The following CACNG3 variants were observed in gnomAD, a reference collection of about 807,000 sequenced individuals.
CACNG3 encodes the protein voltage-dependent calcium channel gamma-3 subunit.
In CACNG3, 3 loss-of-function variants were observed where a neutral mutation model predicts 28.5. The ratio of observed to expected loss-of-function variants is 0.11; its 90% CI spans 0.05 to 0.27. CACNG3 has a LOEUF of 0.27. Ranked by LOEUF, CACNG3 falls within the 10% of genes least tolerant of loss-of-function variation. The pLI is 1.00. For synonymous variants in CACNG3, 174 were observed against 162.2 expected, an observed-to-expected ratio of 1.07 and a Z score of -0.55; for missense variants, 236 against 414.4, an observed-to-expected ratio of 0.57 and a Z score of 3.74.
intron 1 of CACNG3, among the ~76,000 whole-genome samples, chr16:24,330,528 A>G (rs1021920065): frequency 6.6e-6 from 1 of 152,258 alleles, no homozygotes; most frequent in Non-Finnish European, 1.5e-5. Context: ...TCTGCTATGC[A>G]TCAGAATCTT....
intron 2 of CACNG3, among the ~76,000 whole-genome samples, chr16:24,351,515 T>C (rs1899938004): frequency 6.7e-6 from 1 of 148,808 alleles, no homozygotes; most frequent in African/African-American, 2.5e-5. Context: ...GAGGTTGCAG[T>C]GAGCCGGATC....
chr16:24,289,299 CAAAAGAAAAAAAAAAAAGA>C (rs933803495), intron 1 of CACNG3, among the ~76,000 whole-genome samples: 9 of 130,252 alleles, frequency 6.9e-5, no homozygotes, highest in Admixed American at 5.5e-4. Flanking sequence ...CAAGAATCTG[CAAAAGAAAAAAAAAAAAGA>C]AAAAGAAAAA....
chr16:24,347,717 T>C (rs925194973), intron 2 of CACNG3, among the ~76,000 whole-genome samples: 1 of 152,214 alleles, frequency 6.6e-6, no homozygotes, highest in Non-Finnish European at 1.5e-5. Flanking sequence ...GGATATGACA[T>C]GAACCGTCAC....
chr16:24,269,554 C>A (rs1029486326), intron 1 of CACNG3, among the ~76,000 whole-genome samples: 3 of 151,892 alleles, frequency 2.0e-5, no homozygotes, highest in African/African-American at 4.8e-5. Flanking sequence ...CGAGACCAGC[C>A]TGGCCAACAT....
Position 24,361,338 on chromosome 16 carries a change from TCCCC to T in CACNG3, c.437-13_437-10del, listed in dbSNP as rs1293438831. On this transcript the variant is annotated splice_polypyrimidine_tract_variant and intron_variant, in intron 3 of 3. Coordinates refer to ENST00000005284, the MANE Select transcript of CACNG3 (RefSeq NM_006539.4). The surrounding 1 kb of genome is among the most constrained non-coding windows in gnomAD (Gnocchi z 6.8). The stretch of plus-strand genomic sequence containing the variant: ...GTGTATAAAGGACGTGTTTTTCTTT[TCCCC>T]TTCTCTTAGGGTTAAGCAACATCAT... 3.2e-6 allele frequency: 5 copies of T among 1,554,952 alleles called. No individual in the cohort carries two copies. Among genetic ancestry groups the T allele is most frequent in the Admixed American group, 2.1e-5 (1 of 48,674 alleles).
intron 1 of CACNG3, among the ~76,000 whole-genome samples, chr16:24,303,182 A>AG (rs996309752): frequency 1.4e-4 from 22 of 151,894 alleles, no homozygotes; most frequent in African/African-American, 5.3e-4. Flanking sequence ...TTCCCTCTCC[A>AG]GCCTCATTTC....
chr16:24,266,754 A>G (rs752089066), intron 1 of CACNG3, among the ~76,000 whole-genome samples: 2 of 152,158 alleles, frequency 1.3e-5, no homozygotes, highest in Non-Finnish European at 2.9e-5. Context: ...GCTCTCTGCA[A>G]GGCAGGAACC....
Position 24,289,323 on chromosome 16 carries a change from GA to G in CACNG3, c.211+32366del, listed in dbSNP as rs542809302. 6.6e-3 allele frequency among the ~76,000 whole-genome samples: 991 copies of G among 150,294 alleles called. 8 individuals are homozygous for G. Among genetic ancestry groups the G allele is most frequent in the African/African-American group, 0.023 (954 of 40,970 alleles). On this transcript the variant is annotated intron_variant, in intron 1 of 3. Coordinates refer to ENST00000005284, the MANE Select transcript of CACNG3 (RefSeq NM_006539.4). ...GCAAAAGAAAAAAAAAAAAGAAAAAGAAAAAAAATCCCTTCAGATTGTTATG... is the reference window on the plus strand; with the variant it reads ...GCAAAAGAAAAAAAAAAAAGAAAAAGAAAAAAATCCCTTCAGATTGTTATG...
At chr16:24,260,965 ACAAT>A (rs1347245132) in intron 1 of CACNG3, among the ~76,000 whole-genome samples, 1 of 152,246 alleles carries the variant, frequency 6.6e-6, no homozygotes, top group Non-Finnish European at 1.5e-5. Flanking sequence ...AGTCCTGGAG[ACAAT>A]CAAAGCAATG....
chr16:24,281,130 A>G (rs1220297402), intron 1 of CACNG3, among the ~76,000 whole-genome samples: 1 of 152,112 alleles, frequency 6.6e-6, no homozygotes, highest in Non-Finnish European at 1.5e-5. Flanking sequence ...AGAGTAATGG[A>G]TGGGATACTC....
chr16:24,260,459 G>A (rs1190659932), intron 1 of CACNG3, among the ~76,000 whole-genome samples: 1 of 152,180 alleles, frequency 6.6e-6, no homozygotes, highest in African/African-American at 2.4e-5. Flanking sequence ...TTTTACAGAT[G>A]AGGAAACTGA....
At chr16:24,344,369 A>G (rs887726674) in intron 1 of CACNG3, among the ~76,000 whole-genome samples, 14 of 151,832 alleles carry the variant, frequency 9.2e-5, no homozygotes, top group African/African-American at 3.1e-4. Flanking sequence ...AGATCGTGCC[A>G]CTGCACTCCA....
At position 24,328,707 on chromosome 16, in the gene CACNG3, G is replaced by A. The variant is rs900914063; in HGVS notation, c.212-18027G>A. On this transcript the variant is annotated intron_variant, in intron 1 of 3. Coordinates refer to ENST00000005284, the MANE Select transcript of CACNG3 (RefSeq NM_006539.4). The stretch of plus-strand genomic sequence containing the variant: ...TGAGGACCTGACGGCCCCGTGAAGG[G>A]CTGGGAGAAAGTGGTCCAGGCAGAA... Among the ~76,000 whole-genome samples, 9 of 152,292 alleles carry A rather than the reference G, an allele frequency of 5.9e-5. 1 individual carries two copies. Among genetic ancestry groups the A allele is most frequent in the South Asian group, 2.1e-4 (1 of 4,822 alleles).
intron 1 of CACNG3, among the ~76,000 whole-genome samples, chr16:24,272,089 TTC>T (rs202023548): frequency 0.012 from 1,746 of 150,806 alleles, 27 homozygotes; most frequent in African/African-American, 0.041. Flanking sequence ...ATTATACATT[TTC>T]TCTCTCTCTT....
At chr16:24,291,756 G>A (rs1898971026) in intron 1 of CACNG3, among the ~76,000 whole-genome samples, 1 of 152,122 alleles carries the variant, frequency 6.6e-6, no homozygotes. Context: ...TTAAAGAAAG[G>A]AGAGAGAGAA....
chr16:24,304,048 T>C (rs1369366116), intron 1 of CACNG3, among the ~76,000 whole-genome samples: 3 of 152,060 alleles, frequency 2.0e-5, no homozygotes, highest in African/African-American at 7.2e-5. Context: ...GTAAATAAAA[T>C]AAAATAAAAA....
chr16:24,284,262 TTGCTGAAATGATTTTCTA>T (rs1242852252), intron 1 of CACNG3, among the ~76,000 whole-genome samples: 5 of 152,214 alleles, frequency 3.3e-5, no homozygotes, highest in African/African-American at 1.2e-4. Context: ...TTGCGGTAAC[TTGCTGAAATGATTTTCTA>T]TGCTCTGAAA....
chr16:24,300,554 T>C (rs1470808547), intron 1 of CACNG3, among the ~76,000 whole-genome samples: 6 of 150,948 alleles, frequency 4.0e-5, no homozygotes, highest in African/African-American at 1.5e-4. Context: ...ATACATCCTC[T>C]GGCAGGATCA....
intron 1 of CACNG3, among the ~76,000 whole-genome samples, chr16:24,269,869 T>C (rs900194395): frequency 8.6e-5 from 13 of 151,144 alleles, no homozygotes; most frequent in African/African-American, 2.9e-4. Flanking sequence ...TGTTGTTTTT[T>C]TTTTTCCATT....
Sources: gnomAD v4.1 joint callset for allele counts (sites outside exome capture counted in the v4.1 genomes callset) on GRCh38, gnomAD v4.1.1 for gene constraint, Gnocchi (gnomAD v3.1) non-coding constraint, MANE v1.5 for transcripts, NCBI Gene and HGNC (gene_info 2026-07-23, HGNC 2026-07-21) for gene names.